The following CACNG3 variants were observed in gnomAD, a reference collection of about 807,000 sequenced individuals.
The protein encoded by CACNG3 is voltage-dependent calcium channel gamma-3 subunit.
Under a neutral mutation model 28.5 loss-of-function variants are expected in CACNG3, and 3 were observed. The ratio of observed to expected loss-of-function variants is 0.11; its 90% CI spans 0.05 to 0.27. The LOEUF is 0.27. Ranked by LOEUF, CACNG3 falls within the 10% of genes least tolerant of loss-of-function variation. The pLI, the probability that CACNG3 is intolerant of heterozygous loss-of-function variation, is 1.00. For missense variants in CACNG3, 236 were observed against 414.4 expected, an observed-to-expected ratio of 0.57 and a Z score of 3.74; for synonymous variants, 174 against 162.2, an observed-to-expected ratio of 1.07 and a Z score of -0.55.
Position 24,361,945 on chromosome 16 carries a change from T to C in CACNG3, c.*82T>C, listed in dbSNP as rs1028040545. ...ATGTCTCTGAGGTTGCATGGCATGG[T>C]CCTTGTGATGGTATTACTTTTTACA... On this transcript the variant is annotated 3_prime_UTR_variant, in exon 4 of 4. Coordinates refer to ENST00000005284, the MANE Select transcript of CACNG3 (RefSeq NM_006539.4). This position sits in a 1 kb window ranked among gnomAD's most constrained non-coding sequence, Gnocchi z 6.8. 24 of 1,338,504 alleles carry C rather than the reference T, an allele frequency of 1.8e-5. No homozygotes were observed. In the Admixed American group the frequency reaches 4.7e-4, roughly 26 times the overall value. 82.9% of individuals were successfully genotyped at this position (1,338,504 alleles called of 1,614,324 possible).
chr16:24,282,423 C>T lies in CACNG3; in HGVS notation c.211+25458C>T, dbSNP rs75453406. Among the ~76,000 whole-genome samples, 6 of 148,466 alleles carry T rather than the reference C, an allele frequency of 4.0e-5. No homozygotes were observed. In the East Asian group the frequency reaches 9.8e-4, roughly 24 times the overall value. ...ATTACTTCCTTTTTTTTTTTTTAAA[C>T]GGAATCTTACACTCGGATAATTTGT... On this transcript the variant is annotated intron_variant, in intron 1 of 3. Transcript: ENST00000005284.
At chr16:24,282,910 C>G (rs1196299529) in intron 1 of CACNG3, among the ~76,000 whole-genome samples, 5 of 152,150 alleles carry the variant, frequency 3.3e-5, no homozygotes, top group Admixed American at 2.0e-4. Context: ...GTCTCCCAGG[C>G]TGGAGTGCAG....
chr16:24,361,842 C>G lies in CACNG3; in HGVS notation c.927C>G (p.Asn309Lys). ...AGTCACTGCATAATAATCCGGCCAACAGGCGCACCACGCCCGTCTGAACTG... is the reference window on the plus strand; with the variant it reads ...AGTCACTGCATAATAATCCGGCCAAGAGGCGCACCACGCCCGTCTGAACTG... ...FKESLHNNPA[N>K]RRTTPV The change falls in exon 4 of 4, where the codon AAC becomes AAG. Residue 309 changes from asparagine (N) to lysine (K), a missense_variant. Coordinates refer to ENST00000005284, the MANE Select transcript of CACNG3 (RefSeq NM_006539.4). This position sits in a 1 kb window ranked among gnomAD's most constrained non-coding sequence, Gnocchi z 6.8. 1 of 1,609,634 alleles carries G rather than the reference C, an allele frequency of 6.2e-7. No homozygotes were observed.
chr16:24,324,594 C>G (rs992749126), intron 1 of CACNG3, among the ~76,000 whole-genome samples: 1 of 152,210 alleles, frequency 6.6e-6, no homozygotes, highest in Non-Finnish European at 1.5e-5. Flanking sequence ...CATTCTCCAT[C>G]TGGCAGCCTG....
At chr16:24,267,157 G>A (rs913272350) in intron 1 of CACNG3, among the ~76,000 whole-genome samples, 1 of 151,796 alleles carries the variant, frequency 6.6e-6, no homozygotes, top group Non-Finnish European at 1.5e-5. Flanking sequence ...TAGTAAAGAC[G>A]GGGTTTCACC....
intron 1 of CACNG3, among the ~76,000 whole-genome samples, chr16:24,299,885 CAATCAAGTTTT>C (rs1050891980): frequency 1.3e-5 from 2 of 151,974 alleles, no homozygotes; most frequent in African/African-American, 4.8e-5. Flanking sequence ...TATTTGCTGC[CAATCAAGTTTT>C]AATCAAGTTA....
intron 1 of CACNG3, among the ~76,000 whole-genome samples, chr16:24,275,336 C>T (rs11866573): frequency 0.14 from 21,044 of 152,220 alleles, 1,555 homozygotes; most frequent in Middle Eastern, 0.17. Context: ...TCACCACTCA[C>T]TTGCAGGGGA....
At position 24,361,905 on chromosome 16, in the gene CACNG3, G is replaced by A. The variant is rs770765848; in HGVS notation, c.*42G>A. The A allele has an allele frequency of 2.6e-6, 4 of 1,557,868 alleles. No homozygotes were observed. The highest frequency in any genetic ancestry group is 8.6e-7 in the Non-Finnish European group (1 of 1,156,600). ...TGCCCCACGCCCAGCACAGCCTTGG[G>A]GGAAGTGTACAGAGATGTCTCTGAG... is the stretch of plus-strand genomic sequence containing the variant. On this transcript the variant is annotated 3_prime_UTR_variant, in exon 4 of 4. Coordinates refer to ENST00000005284, the MANE Select transcript of CACNG3 (RefSeq NM_006539.4). The surrounding 1 kb of genome is among the most constrained non-coding windows in gnomAD (Gnocchi z 6.8).
intron 1 of CACNG3, among the ~76,000 whole-genome samples, chr16:24,282,339 C>G (rs1270515498): frequency 6.6e-6 from 1 of 152,024 alleles, no homozygotes; most frequent in Non-Finnish European, 1.5e-5. Flanking sequence ...TGAAGAGTCA[C>G]ACTGGGCTTA....
At chr16:24,332,354 A>G (rs917960463) in intron 1 of CACNG3, among the ~76,000 whole-genome samples, 2 of 151,772 alleles carry the variant, frequency 1.3e-5, no homozygotes, top group East Asian at 1.9e-4. Context: ...AGCTCCAGCT[A>G]CTTGGTAGGC....
intron 1 of CACNG3, among the ~76,000 whole-genome samples, chr16:24,282,917 G>A (rs1281912284): frequency 6.6e-6 from 1 of 152,090 alleles, no homozygotes; most frequent in East Asian, 1.9e-4. Context: ...AGGCTGGAGT[G>A]CAGTGGCCTG....
At chr16:24,347,383 G>A (rs918343593) in intron 2 of CACNG3, among the ~76,000 whole-genome samples, 4 of 152,072 alleles carry the variant, frequency 2.6e-5, no homozygotes, top group Non-Finnish European at 5.9e-5. Flanking sequence ...AAAGAGAAGG[G>A]AGGAAGGAAG....
intron 1 of CACNG3, among the ~76,000 whole-genome samples, chr16:24,280,713 G>A (rs1408653108): frequency 6.7e-6 from 1 of 149,524 alleles, no homozygotes; most frequent in Non-Finnish European, 1.5e-5. Flanking sequence ...CTACTTGGGA[G>A]GCTGAAGCAT....
chr16:24,343,295 A>G (rs1899815309), intron 1 of CACNG3, among the ~76,000 whole-genome samples: 2 of 152,096 alleles, frequency 1.3e-5, no homozygotes, highest in Admixed American at 6.5e-5. Context: ...GTCACCATGA[A>G]TAGGCCCATT....
intron 1 of CACNG3, among the ~76,000 whole-genome samples, chr16:24,259,085 ATGAATTGAAGACATAACCTTGGGCAGG>A (rs1412266448): frequency 1.2e-4 from 18 of 152,242 alleles, no homozygotes; most frequent in African/African-American, 4.1e-4. Flanking sequence ...AAGGAATTGG[ATGAATTGAAGACATAACCTTGGGCAGG>A]TGAATTCTAT....
intron 1 of CACNG3, among the ~76,000 whole-genome samples, chr16:24,281,155 G>A (rs1441527898): frequency 6.6e-6 from 1 of 152,056 alleles, no homozygotes; most frequent in Admixed American, 6.6e-5. Context: ...ATTCAAGATG[G>A]GGAACAGCAG....
chr16:24,283,457 G>A (rs1898855893), intron 1 of CACNG3, among the ~76,000 whole-genome samples: 1 of 151,934 alleles, frequency 6.6e-6, no homozygotes, highest in South Asian at 2.1e-4. Flanking sequence ...TATGTTTTTT[G>A]TTTACTCACA....
At chr16:24,354,685 C>T in intron 2 of CACNG3, 148 bp from the exon 3 acceptor site, 1 of 723,642 alleles carries the variant, frequency 1.4e-6, no homozygotes, top group Non-Finnish European at 2.3e-6. Flanking sequence ...TAAGCACAGG[C>T]CCTGAGCGCC....
At chr16:24,262,804 A>G (rs62028547) in intron 1 of CACNG3, among the ~76,000 whole-genome samples, 32,325 of 152,272 alleles carry the variant, frequency 0.21, 3,812 homozygotes, top group Non-Finnish European at 0.28. Flanking sequence ...GATGCCTTGA[A>G]AATACTTTCA....
Sources: gnomAD v4.1 joint callset for allele counts (sites outside exome capture counted in the v4.1 genomes callset) on GRCh38, gnomAD v4.1.1 for gene constraint, Gnocchi (gnomAD v3.1) non-coding constraint, MANE v1.5 for transcripts, NCBI Gene and HGNC (gene_info 2026-07-23, HGNC 2026-07-21) for gene names.